Variants in SCHIP1 observed in about 807,000 individuals in gnomAD.
SCHIP1 encodes the protein schwannomin interacting protein 1.
In SCHIP1, 8 loss-of-function variants were observed where a neutral mutation model predicts 29.7. The observed-to-expected ratio is 0.27, with a 90% confidence interval of 0.16 to 0.49. SCHIP1 has a LOEUF of 0.49. Ranked by LOEUF, SCHIP1 falls within the 20% of genes least tolerant of loss-of-function variation. SCHIP1 has a pLI of 0.99. For synonymous variants in SCHIP1, 76 were observed against 94.9 expected, an observed-to-expected ratio of 0.80 and a Z score of 1.16; for missense variants, 193 against 294.6, an observed-to-expected ratio of 0.66 and a Z score of 2.52.
the SCHIP1 span, among the ~76,000 whole-genome samples, chr3:159,460,393 C>T: frequency 6.6e-6 from 1 of 152,098 alleles, no homozygotes; most frequent in South Asian, 2.1e-4. Context: ...CAACAAAGAC[C>T]CACAGAAAGT....
chr3:159,820,912 G>A, the SCHIP1 span, among the ~76,000 whole-genome samples: 3 of 152,318 alleles, frequency 2.0e-5, no homozygotes, highest in East Asian at 5.8e-4. Flanking sequence ...AGATGGAAAT[G>A]TTCTCTATCG....
At chr3:159,679,241 A>G in the SCHIP1 span, among the ~76,000 whole-genome samples, 188 of 152,316 alleles carry the variant, frequency 1.2e-3, no homozygotes, top group African/African-American at 4.1e-3. Flanking sequence ...TTATGAAGAA[A>G]AAAAAAAATC....
At chr3:159,879,329 A>C (rs987384438) in intron 2 of SCHIP1, among the ~76,000 whole-genome samples, 1 of 148,288 alleles carries the variant, frequency 6.7e-6, no homozygotes, top group Non-Finnish European at 1.5e-5. Context: ...CCTCCTTTTT[A>C]AAGTGCTCTG....
chr3:159,703,023 C>A, the SCHIP1 span, among the ~76,000 whole-genome samples: 2 of 152,206 alleles, frequency 1.3e-5, no homozygotes, highest in Non-Finnish European at 2.9e-5. Flanking sequence ...TACATTTATT[C>A]TTTATCTACT....
the SCHIP1 span, among the ~76,000 whole-genome samples, chr3:159,373,232 AAT>A: frequency 0.017 from 2,560 of 151,572 alleles, 85 homozygotes; most frequent in African/African-American, 0.059. Context: ...AATTGTAATT[AAT>A]ATATATTACA....
the SCHIP1 span, among the ~76,000 whole-genome samples, chr3:159,446,582 T>C: frequency 1.3e-5 from 2 of 152,134 alleles, no homozygotes; most frequent in Non-Finnish European, 2.9e-5. Flanking sequence ...AGCAATACAA[T>C]ATTGTTGTAA....
At chr3:159,814,397 CAG>C in the SCHIP1 span, among the ~76,000 whole-genome samples, 2 of 152,200 alleles carry the variant, frequency 1.3e-5, no homozygotes, top group Non-Finnish European at 2.9e-5. Context: ...GAATCTCTAC[CAG>C]AGAGTCAGCT....
At chr3:159,515,212 A>AG in the SCHIP1 span, among the ~76,000 whole-genome samples, 1 of 151,756 alleles carries the variant, frequency 6.6e-6, no homozygotes, top group Non-Finnish European at 1.5e-5. Flanking sequence ...AAAAAAAAAA[A>AG]CTAAGACAGA....
At chr3:159,569,829 G>A in the SCHIP1 span, among the ~76,000 whole-genome samples, 2 of 152,184 alleles carry the variant, frequency 1.3e-5, no homozygotes, top group Non-Finnish European at 2.9e-5. Context: ...TCCAGCATAT[G>A]TTGTTTCCTG....
At chr3:159,587,380 G>A in the SCHIP1 span, among the ~76,000 whole-genome samples, 1 of 149,522 alleles carries the variant, frequency 6.7e-6, no homozygotes, top group African/African-American at 2.5e-5. Context: ...CTAAACAATT[G>A]CTTTAAAAAA....
chr3:159,722,512 G>A, the SCHIP1 span: 1 of 152,288 alleles, frequency 6.6e-6, no homozygotes, highest in African/African-American at 2.4e-5. Flanking sequence ...TTTAGCCAAG[G>A]TCTAATCAAG....
At chr3:159,752,097 G>A in the SCHIP1 span, among the ~76,000 whole-genome samples, 1 of 133,512 alleles carries the variant, frequency 7.5e-6, no homozygotes, top group Non-Finnish European at 1.6e-5. Flanking sequence ...CATGTAAAAT[G>A]TGCCTGTTTC....
At chr3:159,801,479 A>G in the SCHIP1 span, among the ~76,000 whole-genome samples, 1 of 152,336 alleles carries the variant, frequency 6.6e-6, no homozygotes. Flanking sequence ...GATGAAGACT[A>G]TTTAAAGTAG....
chr3:159,394,504 A>C, the SCHIP1 span, among the ~76,000 whole-genome samples: 140 of 152,290 alleles, frequency 9.2e-4, 2 homozygotes, highest in South Asian at 0.022. Context: ...TACCTAATTT[A>C]TTGAGAGTTT....
At chr3:159,443,884 G>C in the SCHIP1 span, among the ~76,000 whole-genome samples, 42,919 of 152,014 alleles carry the variant, frequency 0.28, 8,178 homozygotes, top group African/African-American at 0.54. Context: ...GAATCTGCTT[G>C]AGAGGATGAG....
the SCHIP1 span, among the ~76,000 whole-genome samples, chr3:159,659,159 A>G: frequency 6.6e-6 from 1 of 152,164 alleles, no homozygotes; most frequent in African/African-American, 2.4e-5. Flanking sequence ...TGTTGATCAG[A>G]CTCACATTCA....
At chr3:159,722,637 C>A in the SCHIP1 span, among the ~76,000 whole-genome samples, 1 of 151,828 alleles carries the variant, frequency 6.6e-6, no homozygotes, top group Non-Finnish European at 1.5e-5. Flanking sequence ...GGTGTGTGTG[C>A]GAGAGAGAAG....
chr3:159,311,732 C>T, the SCHIP1 span, among the ~76,000 whole-genome samples: 1 of 152,082 alleles, frequency 6.6e-6, no homozygotes, highest in Non-Finnish European at 1.5e-5. Flanking sequence ...CATATTTTGA[C>T]TATCTAAAAA....
the SCHIP1 span, among the ~76,000 whole-genome samples, chr3:159,689,548 A>T: frequency 6.6e-6 from 1 of 152,184 alleles, no homozygotes; most frequent in Non-Finnish European, 1.5e-5. Context: ...CTGCAAACAG[A>T]GATAATTTGA....
Sources: gnomAD v4.1 joint callset for allele counts (sites outside exome capture counted in the v4.1 genomes callset) on GRCh38, gnomAD v4.1.1 for gene constraint, MANE v1.5 for transcripts, NCBI Gene and HGNC (gene_info 2026-07-23, HGNC 2026-07-21) for gene names.